ASXL3: variants seen among roughly 807,000 people sequenced by gnomAD.
ASXL3 encodes putative Polycomb group protein ASXL3.
A neutral mutation model predicts 170.6 loss-of-function variants in ASXL3; 34 were observed. The observed-to-expected ratio is 0.20, with a 90% CI of 0.15 to 0.27. ASXL3 has a LOEUF of 0.27. Ranked by LOEUF, ASXL3 falls within the 10% of genes least tolerant of loss-of-function variation. ASXL3 has a pLI of 1.00. For missense variants in ASXL3, 2,592 were observed against 2,695.3 expected, an observed-to-expected ratio of 0.96 and a Z score of 0.85; for synonymous variants, 1,002 against 989.1, an observed-to-expected ratio of 1.01 and a Z score of -0.24.
intron 8 of ASXL3, among the ~76,000 whole-genome samples, chr18:33,721,542 A>G (rs565492997): frequency 1.3e-5 from 2 of 152,222 alleles, no homozygotes; most frequent in South Asian, 2.1e-4. Flanking sequence ...TAGTAGAAAA[A>G]GACAGCTCAG....
At chr18:33,656,116 G>A (rs143584804) in intron 4 of ASXL3, among the ~76,000 whole-genome samples, 1,568 of 152,062 alleles carry the variant, frequency 0.01, 15 homozygotes, top group Middle Eastern at 0.024. Context: ...CTAAGACCCC[G>A]CCCTCTATTC....
chr18:33,625,895 A>G (rs1335674713), intron 2 of ASXL3: 1 of 152,170 alleles, frequency 6.6e-6, no homozygotes, highest in Non-Finnish European at 1.5e-5. Context: ...AGCTTGACTC[A>G]AAAATAATTT....
rs2065959859 is a variant in ASXL3, at chr18:33,649,194, A to G, written c.355+2841A>G. 2.6e-5 allele frequency among the ~76,000 whole-genome samples: 4 copies of G among 152,104 alleles called. No individual in the cohort carries two copies. The South Asian group carries it at 8.3e-4, about 32-fold the overall frequency. ...AGTTAAGGAAAATTGATAATGTGGC[A>G]GAGGTGTTCTGTTATGGTTTGGTTA... On this transcript the variant is annotated intron_variant, in intron 4 of 11. Coordinates refer to ENST00000269197, the MANE Select transcript of ASXL3 (RefSeq NM_030632.3).
intron 1 of ASXL3, among the ~76,000 whole-genome samples, chr18:33,606,772 C>T (rs555936915): frequency 6.6e-6 from 1 of 151,762 alleles, no homozygotes; most frequent in Non-Finnish European, 1.5e-5. Flanking sequence ...AGATGTGGTC[C>T]CTGTAGTTCA....
At chr18:33,652,359 CTCTA>C (rs1446014327) in intron 4 of ASXL3, among the ~76,000 whole-genome samples, 1 of 151,902 alleles carries the variant, frequency 6.6e-6, no homozygotes, top group Admixed American at 6.6e-5. Flanking sequence ...TCTCTTCATC[CTCTA>C]TCTATAAATT....
intron 8 of ASXL3, among the ~76,000 whole-genome samples, chr18:33,703,248 T>A (rs768560558): frequency 9.9e-5 from 15 of 152,174 alleles, no homozygotes; most frequent in Non-Finnish European, 1.6e-4. Context: ...ATTAAATAGT[T>A]GCTTTAGGGA....
rs770914295 is a variant in ASXL3 at position 33,744,723 on chromosome 18, G to A, written c.4875G>A (p.Ser1625=). The A allele has an allele frequency of 6.2e-6, 10 of 1,613,122 alleles. No homozygotes were observed. The highest frequency in any genetic ancestry group is 4.4e-5 in the South Asian group (4 of 90,942). ...RSTGQPLVTH[S]GSSKQKEYLE... is the part of the protein sequence containing the mutation. Reference sequence around the variant, plus strand: ...CAGGACAGCCTCTGGTTACTCACTCGGGTTCAAGTAAACAAAAAGAATATC... The same window carrying A: ...CAGGACAGCCTCTGGTTACTCACTCAGGTTCAAGTAAACAAAAAGAATATC... The change falls in exon 12 of 12, where the codon TCG becomes TCA. Residue 1625 remains serine, a synonymous_variant. Transcript: ENST00000269197.
chr18:33,603,421 A>AT (rs973233066), intron 1 of ASXL3, among the ~76,000 whole-genome samples: 8 of 151,436 alleles, frequency 5.3e-5, no homozygotes, highest in African/African-American at 1.7e-4. Flanking sequence ...CCTTTTTTGC[A>AT]TTTTTTTTCT....
Position 33,742,910 on chromosome 18 carries a change from C to T in ASXL3, c.3062C>T (p.Pro1021Leu), listed in dbSNP as rs1479254117. The change falls in exon 12 of 12, where the codon CCA becomes CTA. Residue 1021 changes from proline (P) to leucine (L), a missense_variant. Physicochemically the swap from Pro to Leu is moderately conservative, Grantham distance 98. Around this residue, in one of 4 missense-constraint regions of ASXL3, gnomAD observed 2,246 missense variants for 2,219.6 expected, o/e 1.01. Coordinates refer to ENST00000269197, the MANE Select transcript of ASXL3 (RefSeq NM_030632.3). ...TAGATTCAGCTTTCCAAAATTGGGC[C>T]ACCTTTTATAATCAAGAGCCAACCA... ...PLKIQLSKIG[P>L]PFIIKSQPVS... 2 of 1,589,616 alleles carry T rather than the reference C, an allele frequency of 1.3e-6. No individual in the cohort carries two copies. The highest frequency in any genetic ancestry group is 1.7e-6 in the Non-Finnish European group (2 of 1,171,290).
chr18:33,665,425 T>A (rs1054653585), intron 5 of ASXL3, among the ~76,000 whole-genome samples: 5 of 152,218 alleles, frequency 3.3e-5, no homozygotes, highest in Admixed American at 1.3e-4. Context: ...TTTATCACAC[T>A]AGCGGCAATG....
chr18:33,630,660 C>G (rs1347400570), intron 2 of ASXL3, among the ~76,000 whole-genome samples: 1 of 151,914 alleles, frequency 6.6e-6, no homozygotes, highest in Non-Finnish European at 1.5e-5. Flanking sequence ...AAATGCTGAG[C>G]TGAATTCTTT....
At chr18:33,647,024 G>T (rs1390886286) in intron 4 of ASXL3, among the ~76,000 whole-genome samples, 1 of 151,912 alleles carries the variant, frequency 6.6e-6, no homozygotes, top group Non-Finnish European at 1.5e-5. Context: ...TAGCTGCAGT[G>T]CTTTCTTCTA....
chr18:33,592,723 C>G (rs2145099997), intron 1 of ASXL3, among the ~76,000 whole-genome samples: 1 of 152,262 alleles, frequency 6.6e-6, no homozygotes, highest in African/African-American at 2.4e-5. Flanking sequence ...CCAGGCCCAC[C>G]TTTACTTTTG....
intron 8 of ASXL3, among the ~76,000 whole-genome samples, chr18:33,705,762 A>T (rs1455155436): frequency 1.3e-5 from 2 of 151,990 alleles, no homozygotes; most frequent in Non-Finnish European, 2.9e-5. Flanking sequence ...GGAATGCAGC[A>T]TGCATACAGA....
chr18:33,635,346 C>T (rs1402104720), intron 2 of ASXL3, among the ~76,000 whole-genome samples: 2 of 152,182 alleles, frequency 1.3e-5, no homozygotes, highest in Non-Finnish European at 2.9e-5. Flanking sequence ...TCAGGTTGAT[C>T]TTCAACATGA....
At chr18:33,589,571 C>T (rs1268760651) in intron 1 of ASXL3, among the ~76,000 whole-genome samples, 1 of 152,160 alleles carries the variant, frequency 6.6e-6, no homozygotes, top group Non-Finnish European at 1.5e-5. Context: ...CTTGCTCTGA[C>T]TTTCATATCA....
At chr18:33,722,596 T>G (rs187107698) in intron 8 of ASXL3, among the ~76,000 whole-genome samples, 1 of 152,040 alleles carries the variant, frequency 6.6e-6, no homozygotes, top group African/African-American at 2.4e-5. Flanking sequence ...TAACAGAGAT[T>G]AGCTCATGAG....
chr18:33,721,884 T>C (rs977019769), intron 8 of ASXL3, among the ~76,000 whole-genome samples: 1 of 152,072 alleles, frequency 6.6e-6, no homozygotes, highest in African/African-American at 2.4e-5. Context: ...ATGTGTTCAT[T>C]GTGTGTGTCT....
chr18:33,637,732 C>G (rs1039437151), intron 2 of ASXL3, among the ~76,000 whole-genome samples: 10 of 152,050 alleles, frequency 6.6e-5, no homozygotes, highest in Non-Finnish European at 1.5e-4. Flanking sequence ...CACCTATGGC[C>G]ATGGGTTGAC....
Sources: gnomAD v4.1 joint callset for allele counts (sites outside exome capture counted in the v4.1 genomes callset) on GRCh38, gnomAD v4.1.1 for gene constraint, gnomAD v4.1.1 regional missense constraint, MANE v1.5 for transcripts, NCBI Gene and HGNC (gene_info 2026-07-23, HGNC 2026-07-21) for gene names.